Variants in SMYD3 observed in about 807,000 individuals in gnomAD.
SMYD3 encodes SET and MYND domain containing 3, also known as histone-lysine N-methyltransferase SMYD3.
Under a neutral mutation model 57.7 loss-of-function variants are expected in SMYD3, and 36 were observed. That is an observed-to-expected ratio of 0.62 (90% CI 0.48 to 0.82). The LOEUF is 0.82. Ranked by LOEUF, SMYD3 falls within the 40% of genes least tolerant of loss-of-function variation. SMYD3 has a pLI of 0.00. For synonymous variants in SMYD3, 211 were observed against 195.0 expected, an observed-to-expected ratio of 1.08 and a Z score of -0.68; for missense variants, 515 against 538.8, an observed-to-expected ratio of 0.96 and a Z score of 0.44.
intron 9 of SMYD3, among the ~76,000 whole-genome samples, chr1:245,862,577 G>C (rs1416847847): frequency 2.0e-5 from 3 of 151,908 alleles, no homozygotes; most frequent in Non-Finnish European, 4.4e-5. Context: ...TTGGAGATTT[G>C]ATAAACCTGT....
chr1:246,126,697 G>C (rs953727925), intron 5 of SMYD3, among the ~76,000 whole-genome samples: 1 of 152,108 alleles, frequency 6.6e-6, no homozygotes. Flanking sequence ...GCTTCAAATA[G>C]AAAGAAAAGC....
chr1:245,989,457 CTG>C (rs1306977149), intron 5 of SMYD3, among the ~76,000 whole-genome samples: 1 of 152,260 alleles, frequency 6.6e-6, no homozygotes, highest in Non-Finnish European at 1.5e-5. Context: ...AACAGGCCAA[CTG>C]TGCAGCAAAG....
intron 11 of SMYD3, among the ~76,000 whole-genome samples, chr1:245,761,784 G>GTATTTTTT (rs1203397369): frequency 2.6e-5 from 3 of 114,448 alleles, no homozygotes; most frequent in African/African-American, 1.6e-4. Context: ...ACCATATTGA[G>GTATTTTTT]TCTTTTTTTT....
intron 5 of SMYD3, among the ~76,000 whole-genome samples, chr1:246,225,509 C>T (rs2063318063): frequency 6.6e-6 from 1 of 152,056 alleles, no homozygotes; most frequent in Admixed American, 6.6e-5. Flanking sequence ...ACAATAACTA[C>T]ATAGCAGTCT....
At chr1:245,839,322 A>G (rs2050270952) in intron 10 of SMYD3, among the ~76,000 whole-genome samples, 1 of 152,140 alleles carries the variant, frequency 6.6e-6, no homozygotes. Context: ...GGTGCCTGCC[A>G]CAGCGCCCAG....
At chr1:246,034,013 T>C (rs914819815) in intron 5 of SMYD3, among the ~76,000 whole-genome samples, 1 of 152,114 alleles carries the variant, frequency 6.6e-6, no homozygotes, top group African/African-American at 2.4e-5. Flanking sequence ...TTTCAGAATA[T>C]CACTGCAAAG....
At chr1:246,132,991 C>A (rs1404242204) in intron 5 of SMYD3, among the ~76,000 whole-genome samples, 4 of 151,792 alleles carry the variant, frequency 2.6e-5, no homozygotes, top group African/African-American at 4.8e-5. Context: ...GAAGAAATGG[C>A]GGCAAGGATG....
chr1:246,076,584 A>C (rs1572985241), intron 5 of SMYD3, among the ~76,000 whole-genome samples: 1 of 152,216 alleles, frequency 6.6e-6, no homozygotes, highest in East Asian at 1.9e-4. Context: ...GCTGATAGCC[A>C]AAATAGTAAA....
At chr1:246,071,358 G>A (rs946125457) in intron 5 of SMYD3, among the ~76,000 whole-genome samples, 16 of 152,132 alleles carry the variant, frequency 1.1e-4, no homozygotes, top group Admixed American at 3.3e-4. Context: ...AGGGATTAAG[G>A]ACAATGATGA....
Position 245,749,653 on chromosome 1 carries a change from A to G in SMYD3, c.1197T>C (p.Ile399=), listed in dbSNP as rs1400443682. 1.2e-6 allele frequency: 2 copies of G among 1,613,892 alleles called. No homozygotes were observed. Among genetic ancestry groups the G allele is most frequent in the Non-Finnish European group, 1.7e-6 (2 of 1,179,764 alleles). ...GTTCTCTGCCATGTGTCACTCTCAT[A>G]ATATCAAAAGCCTAAAGAGAAAGGA... The part of the protein sequence containing the change: ...AMKNLRLAFD[I]MRVTHGREHS... Residue 399 remains isoleucine (I), a synonymous_variant, in exon 12 of 12, where the codon ATT becomes ATC. Coordinates refer to ENST00000490107, the MANE Select transcript of SMYD3 (RefSeq NM_001167740.2).
At chr1:245,857,218 T>C (rs1002526514) in intron 10 of SMYD3, among the ~76,000 whole-genome samples, 3 of 152,214 alleles carry the variant, frequency 2.0e-5, no homozygotes, top group Non-Finnish European at 4.4e-5. Context: ...GTCAGGCTGG[T>C]GGCACTGGCT....
intron 5 of SMYD3, among the ~76,000 whole-genome samples, chr1:245,940,601 G>T (rs970584939): frequency 6.7e-6 from 1 of 148,980 alleles, no homozygotes; most frequent in African/African-American, 2.4e-5. Context: ...AAAACAGAAA[G>T]CACCACTACC....
At chr1:245,856,047 T>C (rs1230751497) in intron 10 of SMYD3, among the ~76,000 whole-genome samples, 1 of 152,240 alleles carries the variant, frequency 6.6e-6, no homozygotes, top group Non-Finnish European at 1.5e-5. Context: ...GAGCACTCAG[T>C]GTGAATTCCC....
chr1:245,813,290 G>A (rs1262893510), intron 10 of SMYD3, among the ~76,000 whole-genome samples: 1 of 152,112 alleles, frequency 6.6e-6, no homozygotes, highest in Non-Finnish European at 1.5e-5. Context: ...TGGGATTACA[G>A]GCATGAGCCA....
intron 1 of SMYD3, among the ~76,000 whole-genome samples, chr1:246,467,258 G>T (rs1344129941): frequency 2.6e-5 from 4 of 152,126 alleles, no homozygotes; most frequent in African/African-American, 9.7e-5. Flanking sequence ...CTTAGGACAG[G>T]AGAGACACAT....
At chr1:246,380,788 A>C (rs1351630338) in intron 1 of SMYD3, among the ~76,000 whole-genome samples, 1 of 152,234 alleles carries the variant, frequency 6.6e-6, no homozygotes, top group African/African-American at 2.4e-5. Flanking sequence ...GAAAAGTAGG[A>C]ATCTTGAAAT....
chr1:245,781,315 C>T (rs894532280), intron 10 of SMYD3, among the ~76,000 whole-genome samples: 2 of 152,178 alleles, frequency 1.3e-5, no homozygotes, highest in African/African-American at 4.8e-5. Context: ...GCCATTTTAG[C>T]AATCAGGAAA....
At chr1:245,956,041 C>A (rs1389630846) in intron 5 of SMYD3, 1 of 984,968 alleles carries the variant, frequency 1.0e-6, no homozygotes, top group Non-Finnish European at 1.2e-6. Context: ...TACAAATGAC[C>A]CTATGTTCAT....
At chr1:246,095,009 T>A (rs796517158) in intron 5 of SMYD3, among the ~76,000 whole-genome samples, 20 of 152,222 alleles carry the variant, frequency 1.3e-4, no homozygotes, top group African/African-American at 4.8e-4. Context: ...GACGTCTTGA[T>A]CCTCTTCTGC....
Sources: gnomAD v4.1 joint callset for allele counts (sites outside exome capture counted in the v4.1 genomes callset) on GRCh38, gnomAD v4.1.1 for gene constraint, MANE v1.5 for transcripts, NCBI Gene and HGNC (gene_info 2026-07-23, HGNC 2026-07-21) for gene names.